Variants in WWP2 observed in about 807,000 individuals in gnomAD.
WWP2 encodes NEDD4-like E3 ubiquitin-protein ligase WWP2.
In WWP2, 57 loss-of-function variants were observed where a neutral mutation model predicts 121.0. The observed-to-expected ratio is 0.47, with a 90% confidence interval of 0.38 to 0.59. The LOEUF is 0.59. Ranked by LOEUF, WWP2 falls within the 20% of genes least tolerant of loss-of-function variation. The pLI is 0.00. For missense variants in WWP2, 962 were observed against 1,158.9 expected (o/e 0.83, Z 2.47); for synonymous variants, 449 against 441.3 (o/e 1.02, Z -0.22).
At chr16:69,916,077 A>G (rs962799809) in intron 9 of WWP2, among the ~76,000 whole-genome samples, 2 of 152,012 alleles carry the variant, frequency 1.3e-5, no homozygotes, top group South Asian at 2.1e-4. Flanking sequence ...ATAAATAAAA[A>G]TCACTAGTTT....
chr16:69,835,803 A>T (rs2056866074), intron 4 of WWP2, among the ~76,000 whole-genome samples: 1 of 130,710 alleles, frequency 7.7e-6, no homozygotes, highest in Non-Finnish European at 1.6e-5. Context: ...AACCAAAGTA[A>T]ATTTTTTTTT....
chr16:69,903,648 G>T (rs1455068691), intron 8 of WWP2, among the ~76,000 whole-genome samples: 1 of 151,836 alleles, frequency 6.6e-6, no homozygotes, highest in Non-Finnish European at 1.5e-5. Context: ...CATACCTGTA[G>T]TCCCAGCTAC....
chr16:69,864,822 G>C (rs1485032473), intron 6 of WWP2, among the ~76,000 whole-genome samples: 3 of 151,892 alleles, frequency 2.0e-5, no homozygotes, highest in Non-Finnish European at 4.4e-5. Flanking sequence ...ATGTTGGCCA[G>C]GCTGGTCTCA....
At chr16:69,893,124 C>G (rs971912600) in intron 8 of WWP2, among the ~76,000 whole-genome samples, 2 of 152,220 alleles carry the variant, frequency 1.3e-5, no homozygotes, top group Non-Finnish European at 2.9e-5. Context: ...GCCATCTTGT[C>G]CATTAATTCC....
At position 69,925,725 on chromosome 16, in the gene WWP2, G is replaced by T. The variant is rs1196498104; in HGVS notation, c.1234+241G>T. The stretch of plus-strand genomic sequence containing the variant: ...CCACCCACCATCGCTAAAGGAGTGT[G>T]ACCCTAAGAAAAGATGTCCCTGAGC... On this transcript the variant is annotated intron_variant, in intron 11 of 23. Coordinates refer to ENST00000359154, the MANE Select transcript of WWP2 (RefSeq NM_001270454.2). The surrounding 1 kb of genome is among the most constrained non-coding windows in gnomAD (Gnocchi z 4.0). Among the ~76,000 whole-genome samples the T allele has an allele frequency of 6.6e-6, 1 of 152,168 alleles. No individual in the cohort carries two copies. The highest frequency in any genetic ancestry group is 2.4e-5 in the African/African-American group (1 of 41,442).
intron 6 of WWP2, among the ~76,000 whole-genome samples, chr16:69,868,967 G>A (rs8060478): frequency 0.67 from 101,928 of 151,836 alleles, 35,668 homozygotes; most frequent in East Asian, 0.9. Context: ...GGCTCACTGC[G>A]ACCTCCACCT....
At chr16:69,769,659 A>G (rs970890985) in intron 1 of WWP2, among the ~76,000 whole-genome samples, 2 of 152,130 alleles carry the variant, frequency 1.3e-5, no homozygotes, top group Non-Finnish European at 2.9e-5. Flanking sequence ...TTGATATTTG[A>G]AGAGCTCTTA....
At chr16:69,797,374 G>A (rs1044504144) in intron 2 of WWP2, among the ~76,000 whole-genome samples, 2 of 152,120 alleles carry the variant, frequency 1.3e-5, no homozygotes, top group African/African-American at 4.8e-5. Context: ...GAATCAGACC[G>A]GCCGGGTGCA....
chr16:69,799,225 C>T lies in WWP2; in HGVS notation c.270C>T (p.Thr90=). 1.2e-6 allele frequency: 2 copies of T among 1,614,086 alleles called. No individual in the cohort carries two copies. Among genetic ancestry groups the T allele is most frequent in the Non-Finnish European group, 1.7e-6 (2 of 1,179,998 alleles). Residue 90 remains threonine, a synonymous_variant, in exon 4 of 24, where the codon ACC becomes ACT. Coordinates refer to ENST00000359154, the MANE Select transcript of WWP2 (RefSeq NM_001270454.2). The surrounding 1 kb of genome is among the most constrained non-coding windows in gnomAD (Gnocchi z 4.5). The part of the protein sequence containing the change: ...HLDLKVWSCH[T]LRNELLGTAS... ...ATTTAAAGGTCTGGAGCTGCCATAC[C>T]TTGAGAAATGAACTGCTAGGCACCG...
At chr16:69,839,928 C>T (rs78432537) in intron 4 of WWP2, among the ~76,000 whole-genome samples, 198 bp from the exon 5 acceptor site, 5,349 of 152,304 alleles carry the variant, frequency 0.035, 131 homozygotes, top group Non-Finnish European at 0.057. Flanking sequence ...AGCTTCCCCT[C>T]CAGCCTGATA....
rs749226026 is a variant in WWP2, at chr16:69,931,908, G to A, written c.1682+18G>A. Reference sequence around the variant, plus strand: ...ATCGCCAGGTGAGCTTGAGTGCCCCGGAAGGCTGCCCTGTACCCCGCTTCC... The same window carrying A: ...ATCGCCAGGTGAGCTTGAGTGCCCCAGAAGGCTGCCCTGTACCCCGCTTCC... On this transcript the variant is annotated intron_variant, in intron 16 of 23. Transcript: ENST00000359154. 1.9e-5 allele frequency: 30 copies of A among 1,608,210 alleles called. No homozygotes were observed. Among genetic ancestry groups the A allele is most frequent in the Admixed American group, 8.4e-5 (5 of 59,830 alleles).
At position 69,933,966 on chromosome 16, in the gene WWP2, A is replaced by C. The variant is rs1441803967; in HGVS notation, c.1683-4A>C. ...TCTTGTCTTTTCTGTCTCTTCCCTCACAGAGAGTGGTTTTTCCTCCTGTCT... is the reference window on the plus strand; with the variant it reads ...TCTTGTCTTTTCTGTCTCTTCCCTCCCAGAGAGTGGTTTTTCCTCCTGTCT... On this transcript the variant is annotated splice_polypyrimidine_tract_variant and splice_region_variant and intron_variant, in intron 16 of 23. Coordinates refer to ENST00000359154, the MANE Select transcript of WWP2 (RefSeq NM_001270454.2). The C allele has an allele frequency of 6.2e-7, 1 of 1,613,292 alleles. No individual in the cohort carries two copies. Among genetic ancestry groups the C allele is most frequent in the Non-Finnish European group, 8.5e-7 (1 of 1,179,344 alleles).
intron 9 of WWP2, chr16:69,909,089 T>C: frequency 7.7e-7 from 1 of 1,296,106 alleles, no homozygotes; most frequent in Non-Finnish European, 9.8e-7. Context: ...ATTTAGAGTG[T>C]TGATGCATTC....
chr16:69,844,744 C>T (rs1418391382), intron 6 of WWP2, among the ~76,000 whole-genome samples: 1 of 152,138 alleles, frequency 6.6e-6, no homozygotes, highest in Non-Finnish European at 1.5e-5. Flanking sequence ...AGGTACCTTC[C>T]GATAGTGTAA....
chr16:69,938,053 C>A (rs577309785), intron 21 of WWP2, among the ~76,000 whole-genome samples: 1 of 151,646 alleles, frequency 6.6e-6, no homozygotes, highest in African/African-American at 2.4e-5. Flanking sequence ...TTGTTGTTGT[C>A]GTTATGAAAT....
At chr16:69,811,364 T>G (rs1235386535) in intron 4 of WWP2, among the ~76,000 whole-genome samples, 2 of 152,080 alleles carry the variant, frequency 1.3e-5, no homozygotes, top group Non-Finnish European at 2.9e-5. Context: ...CCCAGCATTT[T>G]GGGAGGCTAA....
chr16:69,769,135 G>A (rs1465267182), intron 1 of WWP2, among the ~76,000 whole-genome samples: 3 of 152,084 alleles, frequency 2.0e-5, no homozygotes, highest in Non-Finnish European at 4.4e-5. Flanking sequence ...TGGCTAACGT[G>A]ATGAAACCCA....
At chr16:69,904,469 A>G (rs777887542) in intron 8 of WWP2, among the ~76,000 whole-genome samples, 34 of 151,980 alleles carry the variant, frequency 2.2e-4, no homozygotes, top group Non-Finnish European at 4.7e-4. Flanking sequence ...CCTGGGCTCA[A>G]GTGATCCTCC....
chr16:69,933,807 A>G (rs2058754974), intron 16 of WWP2, among the ~76,000 whole-genome samples, 163 bp from the exon 17 acceptor site: 1 of 152,234 alleles, frequency 6.6e-6, no homozygotes, highest in South Asian at 2.1e-4. Flanking sequence ...TTCACTGACC[A>G]GCTGTTCATA....
Sources: gnomAD v4.1 joint callset for allele counts (sites outside exome capture counted in the v4.1 genomes callset) on GRCh38, gnomAD v4.1.1 for gene constraint, Gnocchi (gnomAD v3.1) non-coding constraint, MANE v1.5 for transcripts, NCBI Gene and HGNC (gene_info 2026-07-23, HGNC 2026-07-21) for gene names.